The following RADX variants were observed in gnomAD, a reference collection of about 807,000 sequenced individuals.
RADX encodes RPA1 related single stranded DNA binding protein, X-linked, also known as RPA-related protein RADX.
RADX carries 36 observed loss-of-function variants against 61.6 expected under a neutral mutation model. That is an observed-to-expected ratio of 0.58 (90% CI 0.45 to 0.77). The LOEUF (loss-of-function observed/expected upper bound fraction) is 0.77. Among genes scored for constraint, RADX ranks in the 30% least tolerant of loss-of-function variants. RADX has a pLI of 0.00. For synonymous variants in RADX, 272 were observed against 237.9 expected (o/e 1.14, Z -1.32); for missense variants, 497 against 651.1 (o/e 0.76, Z 2.58).
chrX:106,651,734 CAT>C (rs1389316749), intron 11 of RADX, among the ~76,000 whole-genome samples: 10 of 110,004 alleles, frequency 9.1e-5, no homozygotes, highest in Non-Finnish European at 3.8e-5. Context: ...TAAATTTAAA[CAT>C]GTGAGTTAAA....
intron 1 of RADX, among the ~76,000 whole-genome samples, chrX:106,616,421 T>C (rs1288611285): frequency 1.8e-5 from 2 of 111,876 alleles, no homozygotes; most frequent in Non-Finnish European, 3.8e-5. Context: ...TAATTTCTGC[T>C]ATTATCTTTA....
chrX:106,640,091 C>G (rs968862115), intron 9 of RADX, among the ~76,000 whole-genome samples: 1 of 108,432 alleles, frequency 9.2e-6, no homozygotes, highest in Non-Finnish European at 1.9e-5. Context: ...AATTTCCTAC[C>G]TTTTGTCCAG....
chrX:106,636,280 C>A (rs1401819090), intron 6 of RADX, among the ~76,000 whole-genome samples: 1 of 111,524 alleles, frequency 9.0e-6, no homozygotes, highest in African/African-American at 3.3e-5. Context: ...AGGGGCCTCT[C>A]GCAAAAAGCA....
At chrX:106,624,869 T>C (rs908019012) in intron 2 of RADX, among the ~76,000 whole-genome samples, 7 of 111,834 alleles carry the variant, frequency 6.3e-5, no homozygotes, top group Non-Finnish European at 1.3e-4. Flanking sequence ...ATTTTAATAC[T>C]GAGAAAAACT....
chrX:106,651,075 T>A (rs942817319), intron 11 of RADX, among the ~76,000 whole-genome samples: 14 of 110,921 alleles, frequency 1.3e-4, no homozygotes, highest in Non-Finnish European at 2.3e-4. Context: ...TATATAAAAA[T>A]GAATTATTAA....
intron 1 of RADX, among the ~76,000 whole-genome samples, chrX:106,617,922 AT>A (rs1247335897): frequency 8.9e-6 from 1 of 112,342 alleles, no homozygotes; most frequent in East Asian, 2.8e-4. Context: ...GAGAAAAAAA[AT>A]TTATGCAGAA....
chrX:106,621,528 A>G (rs1307584849), intron 1 of RADX, among the ~76,000 whole-genome samples: 3 of 112,264 alleles, frequency 2.7e-5, no homozygotes, highest in Non-Finnish European at 5.6e-5. Flanking sequence ...TCCAAGGAAG[A>G]ATACATCAGT....
At chrX:106,622,947 T>C (rs1406402538) in intron 2 of RADX, among the ~76,000 whole-genome samples, 154 bp downstream of exon 2, 1 of 112,089 alleles carries the variant, frequency 8.9e-6, no homozygotes, top group East Asian at 2.8e-4. Context: ...TTATAAAGTA[T>C]TTTTCTGCAT....
At chrX:106,652,502 C>T (rs1157536859) in intron 11 of RADX, among the ~76,000 whole-genome samples, 4 of 109,825 alleles carry the variant, frequency 3.6e-5, no homozygotes, top group South Asian at 3.9e-4. Context: ...TAAATAGGGA[C>T]GATATAGAAT....
chrX:106,626,032 C>T (rs1775652131), intron 3 of RADX, among the ~76,000 whole-genome samples: 2 of 111,531 alleles, frequency 1.8e-5, no homozygotes, highest in Non-Finnish European at 3.8e-5. Context: ...TTGCTGCAAT[C>T]TTGAAAGGGC....
chrX:106,645,503 C>G (rs1927634332), intron 10 of RADX, among the ~76,000 whole-genome samples: 1 of 111,377 alleles, frequency 9.0e-6, no homozygotes, highest in Non-Finnish European at 1.9e-5. Flanking sequence ...TTAATTTCTT[C>G]ATTGACACAT....
At chrX:106,640,359 G>T in intron 9 of RADX, 193 bp from the exon 10 acceptor site, 1 of 328,979 alleles carries the variant, frequency 3.0e-6, no homozygotes, top group Non-Finnish European at 5.3e-6. Context: ...AAGGACTTTT[G>T]TTTGTCTTCC....
At position 106,648,319 on chromosome X, in the gene RADX, T is replaced by C; in HGVS notation, c.1911T>C (p.Ala637=). The part of the protein sequence containing the change: ...ILQGPHANPV[A]VPQPGASVQT... Reference sequence around the variant, plus strand: ...CTCTTCTTATCCTTTATAGAGTTGCTGTACCTCAACCAGGAGCTTCTGTAC... The same window carrying C: ...CTCTTCTTATCCTTTATAGAGTTGCCGTACCTCAACCAGGAGCTTCTGTAC... The change falls in exon 11 of 14, where the codon GCT becomes GCC. Residue 637 remains alanine (A), a synonymous_variant. Transcript: ENST00000372548. The C allele has an allele frequency of 8.4e-7, 1 of 1,189,381 alleles. No individual in the cohort carries two copies. Among genetic ancestry groups the C allele is most frequent in the Non-Finnish European group, 1.1e-6 (1 of 877,242 alleles).
chrX:106,636,793 A>C (rs999643408), intron 7 of RADX, 146 bp downstream of exon 7: 7 of 322,870 alleles, frequency 2.2e-5, no homozygotes, highest in Non-Finnish European at 3.7e-5. Flanking sequence ...TGTTTTAGCA[A>C]AGAATTTTTG....
In RADX at chrX:106,629,981, A is replaced by C. The variant is rs969014764; in HGVS notation, c.980-2644A>C. ...AAGCTTTTATTAAAATTTTACAACT[A>C]TTCATTAATTTAAAAAAGAAAATAG... On this transcript the variant is annotated intron_variant, in intron 3 of 13. Transcript: ENST00000372548. Among the ~76,000 whole-genome samples, 4 of 112,014 alleles carry C rather than the reference A, an allele frequency of 3.6e-5. No homozygotes were observed. The East Asian group carries it at 1.1e-3, about 31-fold the overall frequency.
chrX:106,648,037 A>T (rs1927705509), intron 10 of RADX, among the ~76,000 whole-genome samples: 1 of 111,211 alleles, frequency 9.0e-6, no homozygotes, highest in South Asian at 3.7e-4. Context: ...TGTCATAAAG[A>T]ATAAAAATAT....
chrX:106,625,041 C>A (rs1927045611), intron 2 of RADX, 49 bp from the exon 3 acceptor site: 4 of 874,534 alleles, frequency 4.6e-6, no homozygotes, highest in Non-Finnish European at 6.3e-6. Flanking sequence ...ATTATCTGTA[C>A]AGATAAAAGT....
chrX:106,672,121 T>C (rs1427552393), intron 13 of RADX, among the ~76,000 whole-genome samples: 2 of 112,245 alleles, frequency 1.8e-5, no homozygotes, highest in African/African-American at 3.2e-5. Context: ...TATACTGATA[T>C]ATTTTTATTG....
chrX:106,633,139 A>C lies in RADX; in HGVS notation c.1190A>C (p.Glu397Ala). ...VQRSKKKENR[E>A]DFWSYRWIHI... Reference sequence around the variant, plus strand: ...TATTCTATCCATATAGAAAACCGTGAAGATTTTTGGTCATATCGCTGGATT... The same window carrying C: ...TATTCTATCCATATAGAAAACCGTGCAGATTTTTGGTCATATCGCTGGATT... Residue 397 changes from glutamate (E) to alanine (A), a missense_variant, in exon 6 of 14, where the codon GAA (glutamate) becomes GCA (alanine). Glu to Ala is a moderately radical substitution (Grantham distance 107). Around this residue, in one of 3 missense-constraint regions of RADX, gnomAD observed 196 missense variants for 315.0 expected, o/e 0.62. Transcript: ENST00000372548. 9 of 1,203,756 alleles carry C rather than the reference A, an allele frequency of 7.5e-6. No individual in the cohort carries two copies. The highest frequency in any genetic ancestry group is 9.0e-6 in the Non-Finnish European group (8 of 888,600).
Sources: allele counts gnomAD v4.1 joint callset (sites outside exome capture counted in the v4.1 genomes callset), GRCh38; gene constraint gnomAD v4.1.1; regional missense constraint gnomAD v4.1.1; transcripts MANE v1.5; gene names NCBI Gene and HGNC (gene_info 2026-07-23, HGNC 2026-07-21).